Variants in CSGALNACT1 observed in about 807,000 individuals in gnomAD.
CSGALNACT1 encodes beta4GalNAcT-1.
Under a neutral mutation model 51.0 loss-of-function variants are expected in CSGALNACT1, and 52 were observed. The ratio of observed to expected loss-of-function variants is 1.02; its 90% CI spans 0.82 to 1.29. The LOEUF (loss-of-function observed/expected upper bound fraction) is 1.29. CSGALNACT1 is among the 50% of genes most tolerant of loss of function. The pLI is 0.00. For missense variants in CSGALNACT1, 935 were observed against 679.2 expected (o/e 1.38, Z -4.19); for synonymous variants, 341 against 254.4 (o/e 1.34, Z -3.24).
intron 1 of CSGALNACT1, among the ~76,000 whole-genome samples, chr8:19,649,059 T>C (rs986221310): frequency 3.3e-5 from 5 of 152,210 alleles, no homozygotes; most frequent in African/African-American, 1.2e-4. Context: ...ATAACATTAA[T>C]AGTTGATATT....
intron 1 of CSGALNACT1, among the ~76,000 whole-genome samples, chr8:19,611,847 G>A (rs1019648942): frequency 2.0e-5 from 3 of 152,032 alleles, no homozygotes; most frequent in Non-Finnish European, 4.4e-5. Flanking sequence ...AATATGACCG[G>A]AAATCAGCAG....
chr8:19,644,564 G>T (rs1277660853), intron 1 of CSGALNACT1, among the ~76,000 whole-genome samples: 1 of 151,558 alleles, frequency 6.6e-6, no homozygotes, highest in African/African-American at 2.4e-5. Context: ...ACAAAAATTA[G>T]CTGGGCATAG....
chr8:19,672,782 G>T (rs995903643), intron 1 of CSGALNACT1, among the ~76,000 whole-genome samples: 7 of 152,002 alleles, frequency 4.6e-5, no homozygotes, highest in Non-Finnish European at 1.5e-5. Context: ...AGATGAAAAA[G>T]CCTGAAAATG....
At chr8:19,612,971 A>T (rs986373335) in intron 1 of CSGALNACT1, among the ~76,000 whole-genome samples, 3 of 145,090 alleles carry the variant, frequency 2.1e-5, no homozygotes, top group Non-Finnish European at 4.5e-5. Flanking sequence ...AAAAAAAAAA[A>T]AAAAAAAAAG....
chr8:19,550,724 A>T (rs953494066), intron 3 of CSGALNACT1, among the ~76,000 whole-genome samples: 2 of 152,086 alleles, frequency 1.3e-5, no homozygotes, highest in African/African-American at 4.8e-5. Context: ...GGGGCCTTCA[A>T]ATGTCTTCAA....
intron 6 of CSGALNACT1, among the ~76,000 whole-genome samples, chr8:19,428,539 G>T (rs185010046): frequency 2.6e-5 from 4 of 152,106 alleles, no homozygotes; most frequent in Non-Finnish European, 5.9e-5. Context: ...TGGGAATTAC[G>T]GGAGCTACAG....
At chr8:19,695,812 C>G (rs1056210467) in intron 1 of CSGALNACT1, among the ~76,000 whole-genome samples, 7 of 152,166 alleles carry the variant, frequency 4.6e-5, no homozygotes, top group Admixed American at 1.3e-4. Context: ...TCTCCTTCAG[C>G]GCAGGAGATT....
At chr8:19,675,380 A>G (rs2060099693) in intron 1 of CSGALNACT1, among the ~76,000 whole-genome samples, 1 of 152,172 alleles carries the variant, frequency 6.6e-6, no homozygotes, top group South Asian at 2.1e-4. Context: ...GAGGTCCACA[A>G]TCAGATAAAT....
At chr8:19,538,551 C>A (rs901839088) in intron 3 of CSGALNACT1, among the ~76,000 whole-genome samples, 1 of 152,100 alleles carries the variant, frequency 6.6e-6, no homozygotes, top group African/African-American at 2.4e-5. Flanking sequence ...GATTAAAGGA[C>A]TGGGTAATTT....
intron 3 of CSGALNACT1, among the ~76,000 whole-genome samples, chr8:19,556,962 A>C (rs1191190236): frequency 1.3e-5 from 2 of 149,730 alleles, no homozygotes; most frequent in Non-Finnish European, 3.0e-5. Flanking sequence ...GATGAGAAGG[A>C]TCATACTCTC....
intron 3 of CSGALNACT1, among the ~76,000 whole-genome samples, chr8:19,541,672 A>G (rs989693378): frequency 3.4e-5 from 5 of 147,296 alleles, no homozygotes; most frequent in African/African-American, 1.3e-4. Context: ...AAGTCCTGGG[A>G]TTACAGGCCT....
At chr8:19,441,486 T>C (rs2061326384) in intron 5 of CSGALNACT1, among the ~76,000 whole-genome samples, 1 of 152,180 alleles carries the variant, frequency 6.6e-6, no homozygotes, top group Admixed American at 6.5e-5. Flanking sequence ...CCCTACTTAA[T>C]AAATGGTGCT....
At chr8:19,599,520 G>GA (rs201197114) in intron 2 of CSGALNACT1, among the ~76,000 whole-genome samples, 47 of 127,228 alleles carry the variant, frequency 3.7e-4, no homozygotes, top group African/African-American at 1.3e-3. Flanking sequence ...AAGAAAGAAA[G>GA]AAAGAAAAGA....
intron 3 of CSGALNACT1, among the ~76,000 whole-genome samples, chr8:19,512,540 C>T (rs2078663869): frequency 6.6e-6 from 1 of 152,138 alleles, no homozygotes; most frequent in African/African-American, 2.4e-5. Context: ...ATCTCTCAAC[C>T]ATACACTATT....
At chr8:19,446,249 C>T (rs1044341906) in intron 5 of CSGALNACT1, among the ~76,000 whole-genome samples, 9 of 152,146 alleles carry the variant, frequency 5.9e-5, no homozygotes, top group African/African-American at 1.9e-4. Context: ...ATTCAAACTC[C>T]GGGCTTTGCA....
intron 1 of CSGALNACT1, among the ~76,000 whole-genome samples, chr8:19,705,291 A>T (rs1256432636): frequency 1.4e-4 from 22 of 152,248 alleles, no homozygotes; most frequent in Non-Finnish European, 1.5e-5. Context: ...TTATGCAAAG[A>T]CTTACATCAA....
chr8:19,465,475 TA>T (rs1044890132), intron 4 of CSGALNACT1, among the ~76,000 whole-genome samples: 161 of 152,262 alleles, frequency 1.1e-3, no homozygotes, highest in African/African-American at 3.4e-3. Context: ...AACTGTCCAC[TA>T]AAAAATGCTT....
chr8:19,541,050 G>A (rs2084988464), intron 3 of CSGALNACT1, among the ~76,000 whole-genome samples: 1 of 151,914 alleles, frequency 6.6e-6, no homozygotes, highest in African/African-American at 2.4e-5. Context: ...CATGATGCAT[G>A]TGGCAAAATT....
At chr8:19,543,706 G>T (rs1037767497) in intron 3 of CSGALNACT1, among the ~76,000 whole-genome samples, 3 of 152,088 alleles carry the variant, frequency 2.0e-5, no homozygotes, top group Non-Finnish European at 4.4e-5. Context: ...AGCTATACAT[G>T]GATTCCTCCA....
Sources: allele counts gnomAD v4.1 joint callset (sites outside exome capture counted in the v4.1 genomes callset), GRCh38; gene constraint gnomAD v4.1.1; transcripts MANE v1.5; gene names NCBI Gene and HGNC (gene_info 2026-07-23, HGNC 2026-07-21).